The following SEC14L4 variants were observed in gnomAD, a reference collection of about 807,000 sequenced individuals.
SEC14L4 encodes SEC14 like lipid binding 4.
A neutral mutation model predicts 55.1 loss-of-function variants in SEC14L4; 42 were observed. The observed-to-expected ratio is 0.76, with a 90% CI of 0.60 to 0.99. The LOEUF is 0.99. Ranked by LOEUF, SEC14L4 falls within the 50% of genes least tolerant of loss-of-function variation. The pLI is 0.00. For missense variants in SEC14L4, 445 were observed against 512.1 expected (o/e 0.87, Z 1.27); for synonymous variants, 206 against 206.8 (o/e 1.00, Z 0.03).
At position 30,495,594 on chromosome 22, in the gene SEC14L4, G is replaced by T. The variant is rs1422839171; in HGVS notation, c.223C>A (p.Gln75Lys). The change falls in exon 4 of 12, where the codon CAG becomes AAG. Residue 75 changes from glutamine to lysine, a missense_variant. Physicochemically the swap from Gln to Lys is moderately conservative, Grantham distance 53. Coordinates refer to ENST00000255858, the MANE Select transcript of SEC14L4 (RefSeq NM_174977.4). ...QQDLDNIVTW[Q>K]PPEVIQLYDS... ...TGCTCGAGGCTCACCTCAGGGGGCT[G>T]CCATGTGACAATGTTGTCCAGGTCT... 1.2e-6 allele frequency: 2 copies of T among 1,613,888 alleles called. No homozygotes were observed. The highest frequency in any genetic ancestry group is 1.7e-6 in the Non-Finnish European group (2 of 1,180,024).
At chr22:30,490,321 A>G in intron 11 of SEC14L4, 75 bp from the exon 12 acceptor site, 1 of 1,595,252 alleles carries the variant, frequency 6.3e-7, no homozygotes, top group East Asian at 2.2e-5. Flanking sequence ...GCATGGGTGC[A>G]TCCCTGGAAC....
At chr22:30,497,307 C>G (rs1936181946) in intron 2 of SEC14L4, among the ~76,000 whole-genome samples, 1 of 151,976 alleles carries the variant, frequency 6.6e-6, no homozygotes, top group African/African-American at 2.4e-5. Context: ...TCATTGCACT[C>G]CAGCCTGGGG....
chr22:30,504,096 C>T (rs903465076), intron 1 of SEC14L4, among the ~76,000 whole-genome samples: 7 of 150,556 alleles, frequency 4.6e-5, no homozygotes, highest in African/African-American at 7.4e-5. Context: ...CTCACTCTAT[C>T]GCCCAAGCTG....
chr22:30,491,771 C>A (rs748137933), intron 10 of SEC14L4, 29 bp from the exon 11 acceptor site: 13 of 1,612,514 alleles, frequency 8.1e-6, no homozygotes, highest in Admixed American at 6.7e-5. Context: ...CATTGGCGAC[C>A]CCCTGCCTGG....
chr22:30,496,649 C>T (rs1447789243), intron 2 of SEC14L4, among the ~76,000 whole-genome samples: 1 of 152,120 alleles, frequency 6.6e-6, no homozygotes, highest in African/African-American at 2.4e-5. Flanking sequence ...TCTAGTGTTG[C>T]CCTTTTATTT....
Position 30,495,961 on chromosome 22 carries a change from A to C in SEC14L4, c.141T>G (p.Phe47Leu), listed in dbSNP as rs1038696622. 1.9e-5 allele frequency: 31 copies of C among 1,613,852 alleles called. No individual in the cohort carries two copies. The Admixed American group carries it at 2.3e-4, about 12-fold the overall frequency. The part of the protein sequence containing the change: ...FLLRWLRARN[F>L]DLQKSEDMLR... ...GCATGTCTTCGGATTTCTGCAGGTC[A>C]AAGTTTCGAGCTGCAAGAAGAGGAG... The change falls in exon 3 of 12, where the codon TTT becomes TTG. Residue 47 changes from phenylalanine to leucine, a missense_variant. Physicochemically the swap from Phe to Leu is conservative, Grantham distance 22. Transcript: ENST00000255858.
chr22:30,491,382 C>G (rs930673365), intron 11 of SEC14L4, 191 bp downstream of exon 11: 15 of 652,830 alleles, frequency 2.3e-5, no homozygotes, highest in Non-Finnish European at 3.4e-5. Flanking sequence ...TTCTGAATAC[C>G]AGCTCTTCCC....
chr22:30,504,890 A>G (rs1936442666), intron 1 of SEC14L4, among the ~76,000 whole-genome samples: 1 of 152,054 alleles, frequency 6.6e-6, no homozygotes, highest in African/African-American at 2.4e-5. Flanking sequence ...GCCAAGGCGG[A>G]TGGATCACAA....
At chr22:30,493,648 CAT>C in intron 7 of SEC14L4, among the ~76,000 whole-genome samples, 1 of 152,316 alleles carries the variant, frequency 6.6e-6, no homozygotes, top group East Asian at 1.9e-4. Context: ...ATTGCTGAAA[CAT>C]ACCAGTGCAT....
At position 30,491,941 on chromosome 22, in the gene SEC14L4, G is replaced by A. The variant is rs144996989; in HGVS notation, c.804C>T (p.Tyr268=). Residue 268 remains tyrosine (Y), a synonymous_variant, in exon 10 of 12, where the codon TAC becomes TAT. Coordinates refer to ENST00000255858, the MANE Select transcript of SEC14L4 (RefSeq NM_174977.4). ...GCAGCCTCACCTGCTCGCACAGGTAGTAGCTCTTGGGCACCTCACCCCCAT... is the reference window on the plus strand; with the variant it reads ...GCAGCCTCACCTGCTCGCACAGGTAATAGCTCTTGGGCACCTCACCCCCAT... The part of the protein sequence containing the change: ...INYGGEVPKS[Y]YLCEQVRLQY... 3.7e-6 allele frequency: 6 copies of A among 1,614,056 alleles called. No individual in the cohort carries two copies. Among genetic ancestry groups the A allele is most frequent in the Admixed American group, 3.3e-5 (2 of 60,018 alleles).
intron 2 of SEC14L4, 50 bp from the exon 3 acceptor site, chr22:30,496,021 C>G: frequency 6.4e-7 from 1 of 1,561,974 alleles, no homozygotes; most frequent in South Asian, 1.1e-5. Flanking sequence ...CCAGAAAGAG[C>G]CCTTCCCTAA....
chr22:30,495,858 T>C, intron 3 of SEC14L4, 70 bp downstream of exon 3: 1 of 1,591,582 alleles, frequency 6.3e-7, no homozygotes, highest in South Asian at 1.1e-5. Flanking sequence ...CCAGAGTCTC[T>C]ACCCTTTTGC....
intron 7 of SEC14L4, 121 bp from the exon 8 acceptor site, chr22:30,492,678 G>C: frequency 1.3e-6 from 1 of 752,382 alleles, no homozygotes; most frequent in South Asian, 1.6e-5. Flanking sequence ...ACTCTCTGCT[G>C]TGTGACCTTC....
At chr22:30,505,115 G>C (rs1381154346) in intron 1 of SEC14L4, among the ~76,000 whole-genome samples, 1 of 143,680 alleles carries the variant, frequency 7.0e-6, no homozygotes, top group African/African-American at 2.6e-5. Context: ...CTGGACGACA[G>C]AGCAAGACTC....
Position 30,489,122 on chromosome 22 carries a change from C to T in SEC14L4, c.*985G>A, listed in dbSNP as rs554858227. On this transcript the variant is annotated 3_prime_UTR_variant, in exon 12 of 12. Coordinates refer to ENST00000255858, the MANE Select transcript of SEC14L4 (RefSeq NM_174977.4). ...TGGAGGGGAGGTCACTGGGAATTCCCTGGAGACTCAGTCGTTACCCACTCA... is the reference window on the plus strand; with the variant it reads ...TGGAGGGGAGGTCACTGGGAATTCCTTGGAGACTCAGTCGTTACCCACTCA... 2 of 152,772 alleles carry T rather than the reference C, an allele frequency of 1.3e-5. No individual in the cohort carries two copies. Among genetic ancestry groups the T allele is most frequent in the Admixed American group, 1.3e-4 (2 of 15,326 alleles). The allele number at this position is 152,772 out of a possible 1,614,324, so 9.5% of individuals were successfully genotyped here. A position where few individuals can be genotyped will look rare whatever the true frequency, so the allele number is the denominator to read the frequency against.
At position 30,505,618 on chromosome 22, in the gene SEC14L4, C is replaced by CGCGG. The variant is rs1353845933; in HGVS notation, c.-11_-8dup. 2 of 1,552,686 alleles carry CGCGG rather than the reference C, an allele frequency of 1.3e-6. No homozygotes were observed. The highest frequency in any genetic ancestry group is 2.7e-5 in the African/African-American group (2 of 73,594). ...CCCCGACTCGGCTGCTCATGGTGCC[C>CGCGG]GCGGGCGCAGAAAGGCTCAGGGCGC... is the stretch of plus-strand genomic sequence containing the variant. On this transcript the variant is annotated 5_prime_UTR_variant, in exon 1 of 12. Coordinates refer to ENST00000255858, the MANE Select transcript of SEC14L4 (RefSeq NM_174977.4).
Position 30,501,872 on chromosome 22 carries a change from T to TAC in SEC14L4, c.130+1804_130+1805insGT, listed in dbSNP as rs1555877953. Among the ~76,000 whole-genome samples the TAC allele has an allele frequency of 3.5e-5, 5 of 142,370 alleles. No individual in the cohort carries two copies. In the East Asian group the frequency reaches 1.1e-3, roughly 30 times the overall value. 93.4% of individuals were successfully genotyped at this position (142,370 alleles called of 152,430 possible). On this transcript the variant is annotated intron_variant, in intron 2 of 11. Transcript: ENST00000255858. ...ATATATATATATATATATATATATATATACATACACATACTTTTTTTTTTA... is the reference window on the plus strand; with the variant it reads ...ATATATATATATATATATATATATATACATACATACACATACTTTTTTTTTTA...
rs1392200814 is a variant in SEC14L4, at chr22:30,494,179, T to C, written c.551A>G (p.Glu184Gly). The change falls in exon 7 of 12, where the codon GAG becomes GGG. Residue 184 changes from glutamate to glycine, a missense_variant. Glu to Gly is a moderately conservative substitution (Grantham distance 98). Transcript: ENST00000255858. ...FFSILEANYP[E>G]TLKNLIVIRA... is the part of the protein sequence containing the mutation. ...AATAACAATTAAATTCTTCAGGGTC[T>C]CAGGATAATTTGCTTCCAGGATGCT... The C allele has an allele frequency of 3.1e-6, 5 of 1,613,934 alleles. No individual in the cohort carries two copies. In the East Asian group the frequency reaches 1.1e-4, roughly 36 times the overall value.
chr22:30,489,761 TG>T lies in SEC14L4; in HGVS notation c.*345del. On this transcript the variant is annotated 3_prime_UTR_variant, in exon 12 of 12. Transcript: ENST00000255858. ...CCCCCTGAAGCTGGAACACCAGGCA[TG>T]GGTGAGTCCTGGGTGGCTGGATCTT... The T allele has an allele frequency of 9.0e-7, 1 of 1,116,010 alleles. No homozygotes were observed. The highest frequency in any genetic ancestry group is 1.3e-6 in the Non-Finnish European group (1 of 750,072). The allele number at this position is 1,116,010 out of a possible 1,614,324, so 69.1% of individuals were successfully genotyped here. A position where few individuals can be genotyped will look rare whatever the true frequency, so the allele number is the denominator to read the frequency against.
Sources: gnomAD v4.1 joint callset for allele counts (sites outside exome capture counted in the v4.1 genomes callset) on GRCh38, gnomAD v4.1.1 for gene constraint, MANE v1.5 for transcripts, NCBI Gene and HGNC (gene_info 2026-07-23, HGNC 2026-07-21) for gene names.